STXBP4: variants seen among roughly 807,000 people sequenced by gnomAD.
STXBP4 encodes the protein syntaxin binding protein 4.
Under a neutral mutation model 76.1 loss-of-function variants are expected in STXBP4, and 55 were observed. That is an observed-to-expected ratio of 0.72 (90% CI 0.58 to 0.91). The LOEUF (loss-of-function observed/expected upper bound fraction) is 0.91, where lower values mean the gene tolerates loss of function less well. STXBP4 is among the 40% of genes least tolerant of loss of function. The pLI, the probability that STXBP4 is intolerant of heterozygous loss-of-function variation, is 0.00. For synonymous variants in STXBP4, 201 were observed against 220.2 expected (o/e 0.91, Z 0.77); for missense variants, 618 against 636.9 (o/e 0.97, Z 0.32).
At chr17:55,055,040 AGT>A (rs2078906786) in intron 12 of STXBP4, among the ~76,000 whole-genome samples, 1 of 152,178 alleles carries the variant, frequency 6.6e-6, no homozygotes, top group Non-Finnish European at 1.5e-5. Context: ...TGTCTGAAAA[AGT>A]GTTAATAGTA....
intron 16 of STXBP4, among the ~76,000 whole-genome samples, chr17:55,136,554 T>G (rs1157347539): frequency 6.6e-6 from 1 of 152,200 alleles, no homozygotes; most frequent in Non-Finnish European, 1.5e-5. Flanking sequence ...AAGAATTGTA[T>G]GTCATGGTGT....
In STXBP4 at chr17:55,169,615, A is replaced by G. The variant is rs181096197; in HGVS notation, c.*9704A>G. The G allele has an allele frequency of 6.6e-6, 1 of 152,352 alleles. No individual in the cohort carries two copies. Among genetic ancestry groups the G allele is most frequent in the East Asian group, 1.9e-4 (1 of 5,180 alleles). The allele number at this position is 152,352 out of a possible 1,614,324, so 9.4% of individuals were successfully genotyped here. ...ATGTGTGTCTTAGAATCGATAAAAT[A>G]TGGTATAGAGAATCAAGTCTCCTTG... is the stretch of plus-strand genomic sequence containing the variant. On this transcript the variant is annotated 3_prime_UTR_variant, in exon 18 of 18. Transcript: ENST00000376352.
intron 16 of STXBP4, among the ~76,000 whole-genome samples, chr17:55,106,761 T>G (rs1302679651): frequency 6.6e-6 from 1 of 152,210 alleles, no homozygotes; most frequent in Non-Finnish European, 1.5e-5. Flanking sequence ...TTGAAAATTC[T>G]TTTCTTTAAG....
At chr17:55,086,702 G>A (rs1055689763) in intron 16 of STXBP4, among the ~76,000 whole-genome samples, 1 of 152,078 alleles carries the variant, frequency 6.6e-6, no homozygotes, top group African/African-American at 2.4e-5. Context: ...CCATATCTTG[G>A]CTATTGTGAA....
intron 1 of STXBP4, among the ~76,000 whole-genome samples, chr17:54,970,087 A>G (rs938450903): frequency 3.9e-5 from 6 of 152,186 alleles, no homozygotes; most frequent in African/African-American, 1.4e-4. Context: ...GGGGAAGGAA[A>G]GAGATAGAAT....
intron 17 of STXBP4, among the ~76,000 whole-genome samples, chr17:55,144,957 G>A (rs1341997741): frequency 6.6e-6 from 1 of 152,170 alleles, no homozygotes; most frequent in African/African-American, 2.4e-5. Flanking sequence ...GAATGAATGA[G>A]CTTGTGTATT....
At chr17:55,062,848 AATG>A (rs1244643962) in intron 12 of STXBP4, among the ~76,000 whole-genome samples, 1 of 152,222 alleles carries the variant, frequency 6.6e-6, no homozygotes, top group African/African-American at 2.4e-5. Flanking sequence ...TCTAATGACC[AATG>A]ATGATGAGCT....
At chr17:55,010,420 T>C (rs2078088379) in intron 8 of STXBP4, among the ~76,000 whole-genome samples, 1 of 152,108 alleles carries the variant, frequency 6.6e-6, no homozygotes. Context: ...TACATTTGCC[T>C]CTTTCTGTGA....
At chr17:55,208,187 G>C in the STXBP4 span, among the ~76,000 whole-genome samples, 2 of 151,588 alleles carry the variant, frequency 1.3e-5, no homozygotes, top group African/African-American at 4.9e-5. Context: ...TCTGGGCTTG[G>C]CTTAAAAAAC....
At position 55,148,497 on chromosome 17, in the gene STXBP4, C is replaced by T. The variant is rs1032612603; in HGVS notation, c.1547+7130C>T. Among the ~76,000 whole-genome samples the T allele has an allele frequency of 2.0e-5, 3 of 151,268 alleles. No homozygotes were observed. The South Asian group carries it at 6.3e-4, about 32-fold the overall frequency. On this transcript the variant is annotated intron_variant, in intron 17 of 17. Transcript: ENST00000376352. The stretch of plus-strand genomic sequence containing the variant: ...TGAATTAGAAATTTAAAGGGTACTA[C>T]TTTTAGCTTTTTCTAAATCCTTTAC...
intron 11 of STXBP4, chr17:55,043,591 C>G (rs1567734763): frequency 6.5e-7 from 1 of 1,547,034 alleles, no homozygotes; most frequent in Non-Finnish European, 8.7e-7. Flanking sequence ...TCTTCTTATC[C>G]TTTTTATTCT....
chr17:55,146,098 T>C (rs910002551), intron 17 of STXBP4, among the ~76,000 whole-genome samples: 3 of 152,226 alleles, frequency 2.0e-5, no homozygotes, highest in African/African-American at 7.2e-5. Context: ...TGTTATATAA[T>C]ATAACAAAAT....
In STXBP4 at chr17:55,126,331, G is replaced by A. The variant is rs374825184; in HGVS notation, c.1490-14979G>A. 1.6e-3 allele frequency among the ~76,000 whole-genome samples: 243 copies of A among 152,266 alleles called. 8 individuals carry two copies. The South Asian group carries it at 0.045, about 28-fold the overall frequency. On this transcript the variant is annotated intron_variant, in intron 16 of 17. Transcript: ENST00000376352. ...TTGTTATACCTACATGCAATGAAGC[G>A]AAGGAAAACATGCTCATAATGAATG...
At chr17:55,133,766 T>C (rs1359040744) in intron 16 of STXBP4, among the ~76,000 whole-genome samples, 2 of 152,166 alleles carry the variant, frequency 1.3e-5, no homozygotes, top group East Asian at 1.9e-4. Flanking sequence ...TGAAGGAAGC[T>C]GAGGACTGAA....
intron 11 of STXBP4, chr17:55,044,116 C>T (rs558750966): frequency 8.1e-4 from 124 of 152,750 alleles, no homozygotes; most frequent in Non-Finnish European, 1.5e-3. Flanking sequence ...CTCAGCCTCT[C>T]AAAGTGCTGG....
At chr17:55,015,136 A>G (rs2078181985) in intron 8 of STXBP4, among the ~76,000 whole-genome samples, 2 of 152,176 alleles carry the variant, frequency 1.3e-5, no homozygotes, top group Non-Finnish European at 2.9e-5. Context: ...ATGCTTTCTC[A>G]ATGCCTCCCT....
intron 4 of STXBP4, among the ~76,000 whole-genome samples, chr17:54,993,631 A>G (rs1295241928): frequency 6.6e-6 from 1 of 152,210 alleles, no homozygotes; most frequent in African/African-American, 2.4e-5. Context: ...ACTATATTCT[A>G]AATACTGTTT....
intron 16 of STXBP4, among the ~76,000 whole-genome samples, chr17:55,125,386 A>G (rs544984061): frequency 2.0e-5 from 3 of 149,722 alleles, no homozygotes; most frequent in East Asian, 2.0e-4. Flanking sequence ...CAAAAATTCT[A>G]TGCATCTGAG....
chr17:55,060,016 G>A (rs1039002616), intron 12 of STXBP4, among the ~76,000 whole-genome samples: 3 of 152,032 alleles, frequency 2.0e-5, no homozygotes, highest in Non-Finnish European at 4.4e-5. Context: ...TGTGGATTCA[G>A]AGTAGTACTT....
Sources: allele counts gnomAD v4.1 joint callset (sites outside exome capture counted in the v4.1 genomes callset), GRCh38; gene constraint gnomAD v4.1.1; transcripts MANE v1.5; gene names NCBI Gene and HGNC (gene_info 2026-07-23, HGNC 2026-07-21).